Variants in MAGI2 observed in about 807,000 individuals in gnomAD.
The protein encoded by MAGI2 is membrane associated guanylate kinase, WW and PDZ domain containing 2.
A neutral mutation model predicts 133.3 loss-of-function variants in MAGI2; 35 were observed. The ratio of observed to expected loss-of-function variants is 0.26; its 90% CI spans 0.20 to 0.35. MAGI2 has a LOEUF of 0.35. MAGI2 is among the 10% of genes least tolerant of loss of function. MAGI2 has a pLI of 1.00. For synonymous variants in MAGI2, 729 were observed against 710.6 expected, an observed-to-expected ratio of 1.03 and a Z score of -0.41; for missense variants, 1,636 against 1,863.4, an observed-to-expected ratio of 0.88 and a Z score of 2.25.
chr7:79,026,394 T>C (rs561567454), intron 1 of MAGI2, among the ~76,000 whole-genome samples: 7 of 152,304 alleles, frequency 4.6e-5, no homozygotes, highest in African/African-American at 1.7e-4. Context: ...ACTGAAATAT[T>C]ACTATTTGTA....
At chr7:78,392,821 T>C (rs1796016889) in intron 6 of MAGI2, among the ~76,000 whole-genome samples, 1 of 152,092 alleles carries the variant, frequency 6.6e-6, no homozygotes, top group Non-Finnish European at 1.5e-5. Context: ...TTTTGTATTT[T>C]TAGTAGAGAT....
intron 21 of MAGI2, among the ~76,000 whole-genome samples, chr7:78,041,357 C>A (rs1810818569): frequency 6.6e-6 from 1 of 152,120 alleles, no homozygotes; most frequent in Non-Finnish European, 1.5e-5. Context: ...CAGCTTGCTG[C>A]AAGGCTGCTC....
At chr7:79,171,766 ATATATTT>A (rs1220084163) in intron 1 of MAGI2, among the ~76,000 whole-genome samples, 1,059 of 23,256 alleles carry the variant, frequency 0.046, 35 homozygotes, top group African/African-American at 0.057. Flanking sequence ...ATATATATAT[ATATATTT>A]TTTTTTTTTT....
chr7:78,445,324 T>C lies in MAGI2; in HGVS notation c.1045+44437A>G, dbSNP rs148535280. On this transcript the variant is annotated intron_variant, in intron 6 of 21. Transcript: ENST00000354212. The stretch of plus-strand genomic sequence containing the variant: ...CTGTTGTTCACCATAATTCACACAA[T>C]GTTGAAATCAACGAACGATTATAAC... Among the ~76,000 whole-genome samples, 1,350 of 152,192 alleles carry C rather than the reference T, an allele frequency of 8.9e-3. 12 individuals are homozygous for C. The highest frequency in any genetic ancestry group is 0.015 in the Non-Finnish European group (1,023 of 67,982).
At chr7:78,284,450 C>G (rs202061754) in intron 9 of MAGI2, among the ~76,000 whole-genome samples, 1 of 142,848 alleles carries the variant, frequency 7.0e-6, no homozygotes, top group African/African-American at 2.5e-5. Context: ...GTTTTCTTTT[C>G]TTTTTTTTTT....
intron 20 of MAGI2, among the ~76,000 whole-genome samples, chr7:78,107,546 G>A (rs1413204260): frequency 6.6e-6 from 1 of 152,050 alleles, no homozygotes. Flanking sequence ...TTTCATTGTA[G>A]AGATCTTTCA....
At chr7:78,271,032 G>A (rs559952167) in intron 9 of MAGI2, among the ~76,000 whole-genome samples, 99 of 152,134 alleles carry the variant, frequency 6.5e-4, no homozygotes, top group African/African-American at 2.1e-3. Flanking sequence ...GGGCATCCCT[G>A]TCTTGTGCCA....
At chr7:78,756,854 T>C (rs1236674810) in intron 2 of MAGI2, among the ~76,000 whole-genome samples, 1 of 152,166 alleles carries the variant, frequency 6.6e-6, no homozygotes, top group Non-Finnish European at 1.5e-5. Flanking sequence ...TGCTTCATCA[T>C]TCACACAACC....
At chr7:78,424,394 G>C (rs1799090126) in intron 6 of MAGI2, among the ~76,000 whole-genome samples, 2 of 152,186 alleles carry the variant, frequency 1.3e-5, no homozygotes, top group Non-Finnish European at 2.9e-5. Context: ...TGCTGCAGGG[G>C]TGGGGCCTTC....
intron 1 of MAGI2, among the ~76,000 whole-genome samples, chr7:79,022,944 T>C (rs1332997572): frequency 1.3e-5 from 2 of 152,084 alleles, no homozygotes; most frequent in African/African-American, 2.4e-5. Flanking sequence ...CTGGTACTAT[T>C]CTAAAAAATT....
At chr7:78,077,855 G>T (rs1158231345) in intron 21 of MAGI2, among the ~76,000 whole-genome samples, 1 of 147,626 alleles carries the variant, frequency 6.8e-6, no homozygotes, top group African/African-American at 2.5e-5. Context: ...TCAGCCTCCC[G>T]AGTACATGGG....
chr7:78,883,676 C>A (rs1034971510), intron 2 of MAGI2, among the ~76,000 whole-genome samples: 1 of 151,774 alleles, frequency 6.6e-6, no homozygotes, highest in Admixed American at 6.6e-5. Flanking sequence ...TCAGACAACA[C>A]GGGCCTGTGG....
rs557276645 is a variant in MAGI2, at chr7:78,577,974, T to C, written c.538+49146A>G. Among the ~76,000 whole-genome samples the C allele has an allele frequency of 3.3e-5, 5 of 152,054 alleles. No individual in the cohort carries two copies. The East Asian group carries it at 9.7e-4, about 29-fold the overall frequency. ...AAACTGAAGTTATTCAGAGGAGATA[T>C]TTTTATCCTTGTTTTGGGGTTCATT... On this transcript the variant is annotated intron_variant, in intron 3 of 21. Transcript: ENST00000354212.
At chr7:79,049,342 A>G (rs1050531669) in intron 1 of MAGI2, among the ~76,000 whole-genome samples, 1 of 152,212 alleles carries the variant, frequency 6.6e-6, no homozygotes, top group Non-Finnish European at 1.5e-5. Flanking sequence ...AATCAAATTT[A>G]CATAATAATG....
At chr7:78,889,751 C>G (rs1328499049) in intron 2 of MAGI2, among the ~76,000 whole-genome samples, 9 of 152,194 alleles carry the variant, frequency 5.9e-5, no homozygotes, top group Non-Finnish European at 7.3e-5. Context: ...AAAGGAACAA[C>G]TGATACCAGC....
chr7:79,137,455 T>G (rs888352374), intron 1 of MAGI2, among the ~76,000 whole-genome samples: 33 of 149,152 alleles, frequency 2.2e-4, no homozygotes, highest in Non-Finnish European at 3.4e-4. Context: ...TTTTTGTTTT[T>G]TTTTTTTTTT....
At chr7:79,367,284 T>C (rs1395571945) in intron 1 of MAGI2, among the ~76,000 whole-genome samples, 2 of 152,214 alleles carry the variant, frequency 1.3e-5, no homozygotes, top group Non-Finnish European at 2.9e-5. Context: ...ACATTTGACA[T>C]TGGCCAATTC....
At chr7:78,394,087 A>T (rs1796130652) in intron 6 of MAGI2, among the ~76,000 whole-genome samples, 1 of 152,178 alleles carries the variant, frequency 6.6e-6, no homozygotes, top group Admixed American at 6.5e-5. Context: ...AAGCTCTGAG[A>T]ACCAGGAGTT....
chr7:79,235,874 G>T (rs1010311629), intron 1 of MAGI2, among the ~76,000 whole-genome samples: 1 of 152,212 alleles, frequency 6.6e-6, no homozygotes, highest in Non-Finnish European at 1.5e-5. Flanking sequence ...AACTTTGTTT[G>T]CTTTGTATTT....
Sources: gnomAD v4.1 joint callset for allele counts (sites outside exome capture counted in the v4.1 genomes callset) on GRCh38, gnomAD v4.1.1 for gene constraint, MANE v1.5 for transcripts, NCBI Gene and HGNC (gene_info 2026-07-23, HGNC 2026-07-21) for gene names.